Variants in FAM13A observed in about 807,000 individuals in gnomAD.
FAM13A encodes protein FAM13A.
FAM13A carries 76 observed loss-of-function variants against 129.6 expected under a neutral mutation model. The ratio of observed to expected loss-of-function variants is 0.59; its 90% CI spans 0.49 to 0.71. The LOEUF is 0.71. Ranked by LOEUF, FAM13A falls within the 30% of genes least tolerant of loss-of-function variation. FAM13A has a pLI of 0.00. For synonymous variants in FAM13A, 443 were observed against 449.9 expected (o/e 0.98, Z 0.20); for missense variants, 1,108 against 1,249.3 (o/e 0.89, Z 1.70).
intron 7 of FAM13A, among the ~76,000 whole-genome samples, chr4:88,829,608 T>TA (rs1250059733): frequency 1.3e-5 from 2 of 152,242 alleles, no homozygotes; most frequent in Non-Finnish European, 2.9e-5. Context: ...CTGGTGTTGT[T>TA]ATACAAGCTC....
chr4:88,977,370 AGGGATACCACT>A (rs1761052280), intron 4 of FAM13A, among the ~76,000 whole-genome samples: 1 of 152,172 alleles, frequency 6.6e-6, no homozygotes, highest in Admixed American at 6.5e-5. Flanking sequence ...CTGCAAATAA[AGGGATACCACT>A]GTCTATTCCA....
intron 5 of FAM13A, among the ~76,000 whole-genome samples, chr4:88,924,401 A>C (rs1229208105): frequency 6.6e-6 from 1 of 152,168 alleles, no homozygotes; most frequent in African/African-American, 2.4e-5. Flanking sequence ...ATAACGCCAC[A>C]TATCTACAAC....
At chr4:89,012,098 C>A (rs974860782) in intron 3 of FAM13A, among the ~76,000 whole-genome samples, 11 of 152,104 alleles carry the variant, frequency 7.2e-5, no homozygotes, top group Admixed American at 1.3e-4. Flanking sequence ...GAAGAATTTT[C>A]CACAGGAAAC....
intron 4 of FAM13A, among the ~76,000 whole-genome samples, chr4:88,953,870 G>A (rs1757328469): frequency 6.6e-6 from 1 of 152,076 alleles, no homozygotes; most frequent in Non-Finnish European, 1.5e-5. Flanking sequence ...CATTTGGGTT[G>A]CTTCCACCTC....
intron 5 of FAM13A, among the ~76,000 whole-genome samples, chr4:88,916,019 A>C (rs1750058078): frequency 6.6e-6 from 1 of 152,022 alleles, no homozygotes; most frequent in Non-Finnish European, 1.5e-5. Flanking sequence ...TGGGCCAAAG[A>C]AACCTCTTAT....
At chr4:88,846,962 A>G (rs1396489887) in intron 7 of FAM13A, among the ~76,000 whole-genome samples, 1 of 152,244 alleles carries the variant, frequency 6.6e-6, no homozygotes, top group Non-Finnish European at 1.5e-5. Context: ...ACGTTATGTT[A>G]CACTTTTAAC....
chr4:88,749,646 T>C (rs904149337), intron 16 of FAM13A, 125 bp downstream of exon 16: 2 of 918,644 alleles, frequency 2.2e-6, no homozygotes, highest in Non-Finnish European at 1.7e-6. Flanking sequence ...CAGGGTTTAC[T>C]GCCTTTTTGT....
At chr4:89,047,513 A>G (rs1315263841) in intron 1 of FAM13A, among the ~76,000 whole-genome samples, 2 of 152,218 alleles carry the variant, frequency 1.3e-5, no homozygotes, top group Non-Finnish European at 2.9e-5. Flanking sequence ...AAACAAAAAA[A>G]GTTTCAGGGC....
At chr4:88,810,142 A>G (rs1479591937) in intron 7 of FAM13A, among the ~76,000 whole-genome samples, 2 of 152,144 alleles carry the variant, frequency 1.3e-5, no homozygotes, top group Admixed American at 6.6e-5. Flanking sequence ...CAGAACAGAA[A>G]TTTTTAGCTA....
intron 14 of FAM13A, among the ~76,000 whole-genome samples, chr4:88,751,012 C>T (rs376559092): frequency 3.5e-4 from 53 of 152,284 alleles, no homozygotes; most frequent in Non-Finnish European, 6.0e-4. Context: ...GAAGCCAAGG[C>T]GGACGGATCA....
intron 4 of FAM13A, among the ~76,000 whole-genome samples, chr4:88,972,000 ATT>A (rs1560595253): frequency 6.6e-6 from 1 of 152,136 alleles, no homozygotes; most frequent in East Asian, 1.9e-4. Flanking sequence ...TGCTTGTATC[ATT>A]TGTGTCATTC....
chr4:88,770,992 G>C (rs1170076889), intron 11 of FAM13A, among the ~76,000 whole-genome samples: 2 of 151,946 alleles, frequency 1.3e-5, no homozygotes, highest in African/African-American at 4.8e-5. Flanking sequence ...AATTCTAATT[G>C]TCATGTTATT....
intron 4 of FAM13A, among the ~76,000 whole-genome samples, chr4:88,970,522 T>C (rs1380730800): frequency 6.6e-6 from 1 of 151,318 alleles, no homozygotes; most frequent in African/African-American, 2.4e-5. Context: ...ATAGATGATA[T>C]ATTTGATATA....
At chr4:89,022,134 G>A (rs1020158444) in intron 2 of FAM13A, among the ~76,000 whole-genome samples, 4 of 152,086 alleles carry the variant, frequency 2.6e-5, no homozygotes, top group Non-Finnish European at 4.4e-5. Context: ...TTTTTAGAGG[G>A]GAGGTGATAA....
rs56710705 is a variant in FAM13A, at chr4:89,025,245, G to GTTTTTTTTTTTTT, written c.217+4202_217+4214dup. Reference sequence around the variant, plus strand: ...GCTAAAGGTTAACCATGGAATCATTGTTTTTTTTTTTTTTTTTTTTTTTTT... The same window carrying GTTTTTTTTTTTTT: ...GCTAAAGGTTAACCATGGAATCATTGTTTTTTTTTTTTTTTTTTTTTTTTTTTTTTTTTTTTTT... On this transcript the variant is annotated intron_variant, in intron 2 of 23. Transcript: ENST00000264344. Among the ~76,000 whole-genome samples the GTTTTTTTTTTTTT allele has an allele frequency of 1.1e-3, 69 of 61,374 alleles. 16 individuals are homozygous for GTTTTTTTTTTTTT. Among genetic ancestry groups the GTTTTTTTTTTTTT allele is most frequent in the Non-Finnish European group, 1.8e-3 (54 of 30,804 alleles). 40.3% of individuals were successfully genotyped at this position (61,374 alleles called of 152,430 possible). A position where few individuals can be genotyped will look rare whatever the true frequency, so the allele number is the denominator to read the frequency against.
intron 7 of FAM13A, among the ~76,000 whole-genome samples, chr4:88,824,587 C>A (rs1561093320): frequency 6.6e-6 from 1 of 152,166 alleles, no homozygotes; most frequent in African/African-American, 2.4e-5. Flanking sequence ...ATTGTCTATA[C>A]TTTTTTGATT....
chr4:88,893,479 T>C (rs1048715223), intron 6 of FAM13A, among the ~76,000 whole-genome samples: 7 of 151,706 alleles, frequency 4.6e-5, no homozygotes, highest in Middle Eastern at 3.2e-3. Flanking sequence ...AAAAATTAGC[T>C]GGGCGTGGTG....
intron 3 of FAM13A, among the ~76,000 whole-genome samples, chr4:89,011,470 T>C (rs1765726170): frequency 6.6e-6 from 1 of 152,186 alleles, no homozygotes; most frequent in Non-Finnish European, 1.5e-5. Flanking sequence ...TTCTAGATGT[T>C]CTCTCTGCAT....
intron 6 of FAM13A, among the ~76,000 whole-genome samples, chr4:88,886,674 AAG>A: frequency 6.6e-6 from 1 of 152,182 alleles, no homozygotes; most frequent in Admixed American, 6.5e-5. Context: ...TGGGAGGCTG[AAG>A]TGGGTGGATC....
Sources: gnomAD v4.1 joint callset for allele counts (sites outside exome capture counted in the v4.1 genomes callset) on GRCh38, gnomAD v4.1.1 for gene constraint, MANE v1.5 for transcripts, NCBI Gene and HGNC (gene_info 2026-07-23, HGNC 2026-07-21) for gene names.